The following SORCS2 variants were observed in gnomAD, a reference collection of about 807,000 sequenced individuals.
SORCS2 encodes sortilin related VPS10 domain containing receptor 2, also known as VPS10 domain-containing receptor SorCS2.
Under a neutral mutation model 141.6 loss-of-function variants are expected in SORCS2, and 100 were observed. That is an observed-to-expected ratio of 0.71 (90% CI 0.60 to 0.83). SORCS2 has a LOEUF of 0.83. SORCS2 is among the 40% of genes least tolerant of loss of function. The pLI, the probability that SORCS2 is intolerant of heterozygous loss-of-function variation, is 0.00. For synonymous variants in SORCS2, 789 were observed against 676.9 expected (o/e 1.17, Z -2.57); for missense variants, 1,646 against 1,560.2 (o/e 1.05, Z -0.93).
Position 7,192,599 on chromosome 4 carries a change from C to G in SORCS2, c.-48C>G. ...CTCCTGCTCTCCCGGCCGCGGTCCC[C>G]TCGTCCGCGCCGCCCCGCCGCCGGC... On this transcript the variant is annotated 5_prime_UTR_variant, in exon 1 of 27. Coordinates refer to ENST00000507866, the MANE Select transcript of SORCS2 (RefSeq NM_020777.3). This position sits in a 1 kb window ranked among gnomAD's most constrained non-coding sequence, Gnocchi z 4.0. The G allele has an allele frequency of 1.0e-6, 1 of 987,282 alleles. No individual in the cohort carries two copies. The highest frequency in any genetic ancestry group is 1.2e-6 in the Non-Finnish European group (1 of 831,756). 61.2% of individuals were successfully genotyped at this position (987,282 alleles called of 1,614,324 possible).
intron 2 of SORCS2, among the ~76,000 whole-genome samples, chr4:7,400,340 A>G (rs1724492763): frequency 6.6e-6 from 1 of 152,132 alleles, no homozygotes; most frequent in Non-Finnish European, 1.5e-5. Context: ...CCCCCCATTC[A>G]GTCTCCCCAT....
At chr4:7,559,453 G>A (rs535562632) in intron 3 of SORCS2, among the ~76,000 whole-genome samples, 12 of 152,328 alleles carry the variant, frequency 7.9e-5, no homozygotes, top group South Asian at 2.1e-4. Context: ...GCAGGATGTC[G>A]TGGAGGCCGA....
intron 3 of SORCS2, among the ~76,000 whole-genome samples, chr4:7,543,595 T>C (rs1712892637): frequency 1.9e-5 from 2 of 103,816 alleles, no homozygotes; most frequent in Admixed American, 9.6e-5. Context: ...ATCCATCCAT[T>C]CCATCCATCC....
Position 7,725,243 on chromosome 4 carries a change from C to T in SORCS2, c.2701C>T (p.Pro901Ser). 6.2e-7 allele frequency: 1 copy of T among 1,613,602 alleles called. No individual in the cohort carries two copies. Among genetic ancestry groups the T allele is most frequent in the Non-Finnish European group, 8.5e-7 (1 of 1,179,662 alleles). Residue 901 changes from proline to serine, a missense_variant, in exon 20 of 27, where the codon CCT (proline) becomes TCT (serine). By Grantham distance (74) the Pro-to-Ser change is moderately conservative (BLOSUM62 -1). Coordinates refer to ENST00000507866, the MANE Select transcript of SORCS2 (RefSeq NM_020777.3). ...NLTAVLLPLN[P>S]NLTVFYWWIG... ...CACAGCTGTGCTGCTTCCCTTGAAC[C>T]CTAACCTCACCGTCTTCTACTGGTG...
At chr4:7,347,856 G>A (rs187058341) in intron 1 of SORCS2, among the ~76,000 whole-genome samples, 1 of 152,278 alleles carries the variant, frequency 6.6e-6, no homozygotes, top group African/African-American at 2.4e-5. Context: ...TGTCAGGCCC[G>A]ATATGATCGC....
chr4:7,422,899 G>A (rs1726176327), intron 2 of SORCS2, among the ~76,000 whole-genome samples: 1 of 152,174 alleles, frequency 6.6e-6, no homozygotes, highest in Non-Finnish European at 1.5e-5. Flanking sequence ...GCAGCCTCCA[G>A]GGCACCCCGC....
intron 3 of SORCS2, among the ~76,000 whole-genome samples, chr4:7,638,124 C>T (rs1390167553): frequency 2.0e-5 from 3 of 150,602 alleles, no homozygotes; most frequent in Admixed American, 6.6e-5. Context: ...CTGAGCTGGC[C>T]GGGCTGGGGG....
rs1038903501 is a variant in SORCS2, at chr4:7,740,445, ACGGGACCCCC to A, written c.*188_*197del. 1 of 605,144 alleles carries A rather than the reference ACGGGACCCCC, an allele frequency of 1.7e-6. No homozygotes were observed. 37.5% of individuals were successfully genotyped at this position (605,144 alleles called of 1,614,324 possible). A position where few individuals can be genotyped will look rare whatever the true frequency, so the allele number is the denominator to read the frequency against. On this transcript the variant is annotated 3_prime_UTR_variant, in exon 27 of 27. Transcript: ENST00000507866. ...GCCCGCCCAGGCCCACGGGGGGCCC[ACGGGACCCCC>A]CGGGACTCCCCGGACATGGCCCTGC... is the stretch of plus-strand genomic sequence containing the variant.
At chr4:7,309,689 CCTT>C (rs1287625018) in intron 1 of SORCS2, among the ~76,000 whole-genome samples, 1 of 152,184 alleles carries the variant, frequency 6.6e-6, no homozygotes, top group Non-Finnish European at 1.5e-5. Context: ...TTACCATACA[CCTT>C]CTTTCCTCGA....
chr4:7,276,686 C>T (rs1715521766), intron 1 of SORCS2, among the ~76,000 whole-genome samples: 1 of 152,188 alleles, frequency 6.6e-6, no homozygotes, highest in South Asian at 2.1e-4. Context: ...GCTTCCAGCC[C>T]TTCCGGACTT....
intron 1 of SORCS2, among the ~76,000 whole-genome samples, chr4:7,393,979 G>C (rs746807851): frequency 1.6e-4 from 24 of 152,090 alleles, no homozygotes; most frequent in Non-Finnish European, 2.5e-4. Flanking sequence ...GAGTCAGGGC[G>C]TGGTGGGGCT....
intron 18 of SORCS2, among the ~76,000 whole-genome samples, chr4:7,719,955 C>G (rs758892937): frequency 6.6e-6 from 1 of 152,076 alleles, no homozygotes; most frequent in Non-Finnish European, 1.5e-5. Context: ...CACCTACTGT[C>G]GGGAAGAGGC....
chr4:7,682,909 T>C lies in SORCS2; in HGVS notation c.1488+20T>C. Reference sequence around the variant, plus strand: ...AAGCCTGTAAGTACCTCTGCTCACATCACACACCATCCTTGGCGTGGATGC... The same window carrying C: ...AAGCCTGTAAGTACCTCTGCTCACACCACACACCATCCTTGGCGTGGATGC... On this transcript the variant is annotated intron_variant, in intron 10 of 26. Transcript: ENST00000507866. 6 of 1,609,012 alleles carry C rather than the reference T, an allele frequency of 3.7e-6. No homozygotes were observed. Among genetic ancestry groups the C allele is most frequent in the Non-Finnish European group, 4.2e-6 (5 of 1,177,960 alleles).
chr4:7,341,954 G>C (rs1011151542), intron 1 of SORCS2, among the ~76,000 whole-genome samples: 6 of 152,142 alleles, frequency 3.9e-5, no homozygotes, highest in African/African-American at 1.4e-4. Context: ...TATATGATGT[G>C]GTCTTTTGCT....
At chr4:7,667,843 C>A (rs1484684620) in intron 8 of SORCS2, among the ~76,000 whole-genome samples, 1 of 152,326 alleles carries the variant, frequency 6.6e-6, no homozygotes, top group African/African-American at 2.4e-5. Context: ...ATATATTATT[C>A]CCACCTAACA....
At chr4:7,684,756 C>G (rs1723768028) in intron 10 of SORCS2, among the ~76,000 whole-genome samples, 1 of 152,222 alleles carries the variant, frequency 6.6e-6, no homozygotes, top group South Asian at 2.1e-4. Context: ...GAAGACAATT[C>G]CCTGTCTTCC....
intron 3 of SORCS2, among the ~76,000 whole-genome samples, chr4:7,605,249 G>A (rs1327041630): frequency 6.6e-6 from 1 of 152,212 alleles, no homozygotes; most frequent in Non-Finnish European, 1.5e-5. Flanking sequence ...GAAAGGCATG[G>A]TGGTGGTTTT....
intron 2 of SORCS2, among the ~76,000 whole-genome samples, chr4:7,404,979 T>C (rs1255574221): frequency 6.6e-6 from 1 of 152,222 alleles, no homozygotes; most frequent in Non-Finnish European, 1.5e-5. Context: ...AGCATTTTTA[T>C]AGTTTTGGGC....
intron 1 of SORCS2, among the ~76,000 whole-genome samples, chr4:7,336,069 C>A (rs1719965238): frequency 6.6e-6 from 1 of 152,234 alleles, no homozygotes; most frequent in Admixed American, 6.5e-5. Context: ...GGCTCACTTG[C>A]CCTCCTGGAG....
Sources: gnomAD v4.1 joint callset for allele counts (sites outside exome capture counted in the v4.1 genomes callset) on GRCh38, gnomAD v4.1.1 for gene constraint, Gnocchi (gnomAD v3.1) non-coding constraint, MANE v1.5 for transcripts, NCBI Gene and HGNC (gene_info 2026-07-23, HGNC 2026-07-21) for gene names.